IL12RB2: variants seen among roughly 807,000 people sequenced by gnomAD.
IL12RB2 encodes interleukin-12 receptor subunit beta-2.
A neutral mutation model predicts 89.4 loss-of-function variants in IL12RB2; 82 were observed. That is an observed-to-expected ratio of 0.92 (90% CI 0.77 to 1.10). IL12RB2 has a LOEUF of 1.10. Among genes scored for constraint, IL12RB2 ranks in the 50% least tolerant of loss-of-function variants. The pLI is 0.00. For missense variants in IL12RB2, 963 were observed against 1,031.9 expected (o/e 0.93, Z 0.92); for synonymous variants, 368 against 370.1 (o/e 0.99, Z 0.07).
At chr1:67,394,194 G>A (rs1666124670) in intron 16 of IL12RB2, among the ~76,000 whole-genome samples, 1 of 152,140 alleles carries the variant, frequency 6.6e-6, no homozygotes, top group Non-Finnish European at 1.5e-5. Flanking sequence ...AGACAGAGAG[G>A]TGGAGGAAGG....
intron 1 of IL12RB2, among the ~76,000 whole-genome samples, chr1:67,310,076 C>T (rs538724338): frequency 6.1e-5 from 9 of 148,728 alleles, no homozygotes; most frequent in African/African-American, 1.2e-4. Flanking sequence ...CCCAGCTACT[C>T]GGGAGGTTGA....
chr1:67,390,215 G>A (rs1665656482), intron 16 of IL12RB2, 87 bp downstream of exon 16: 1 of 780,930 alleles, frequency 1.3e-6, no homozygotes, highest in East Asian at 2.6e-5. Flanking sequence ...AGGAAGCCTG[G>A]GTGCTGAGAT....
chr1:67,311,546 T>C (rs1047487313), intron 1 of IL12RB2, among the ~76,000 whole-genome samples: 1 of 152,252 alleles, frequency 6.6e-6, no homozygotes, highest in African/African-American at 2.4e-5. Flanking sequence ...TATTAACAAC[T>C]AAATTATATG....
In IL12RB2 at chr1:67,307,967, G is replaced by A. The variant is rs987783703; in HGVS notation, c.-125G>A. The A allele has an allele frequency of 6.6e-6, 1 of 152,096 alleles. No individual in the cohort carries two copies. Among genetic ancestry groups the A allele is most frequent in the African/African-American group, 2.4e-5 (1 of 41,424 alleles). 9.4% of individuals were successfully genotyped at this position (152,096 alleles called of 1,614,324 possible). A position where few individuals can be genotyped will look rare whatever the true frequency, so the allele number is the denominator to read the frequency against. Reference sequence around the variant, plus strand: ...CCGCGCCCGCTGGCAGGCGACACGTGGTGAGTGACCAGTGACTCGGGGTCG... The same window carrying A: ...CCGCGCCCGCTGGCAGGCGACACGTAGTGAGTGACCAGTGACTCGGGGTCG... On this transcript the variant is annotated splice_region_variant and 5_prime_UTR_variant, in exon 1 of 17. Transcript: ENST00000674203.
chr1:67,350,464 A>C (rs1257820326), intron 9 of IL12RB2, among the ~76,000 whole-genome samples: 1 of 152,196 alleles, frequency 6.6e-6, no homozygotes, highest in Non-Finnish European at 1.5e-5. Flanking sequence ...GTGATTTACA[A>C]ATTTAGAAAT....
At chr1:67,391,459 T>A (rs1018365467) in intron 16 of IL12RB2, among the ~76,000 whole-genome samples, 10 of 147,802 alleles carry the variant, frequency 6.8e-5, no homozygotes, top group African/African-American at 2.5e-4. Flanking sequence ...ATTTTATATA[T>A]ATAATATACA....
At chr1:67,316,214 T>TGC (rs1464098184) in intron 2 of IL12RB2, among the ~76,000 whole-genome samples, 1 of 151,724 alleles carries the variant, frequency 6.6e-6, no homozygotes, top group Non-Finnish European at 1.5e-5. Flanking sequence ...TTATGGTACG[T>TGC]GCTAAGATAG....
chr1:67,363,509 C>G (rs1403863530), intron 10 of IL12RB2, among the ~76,000 whole-genome samples: 1 of 152,210 alleles, frequency 6.6e-6, no homozygotes, highest in Non-Finnish European at 1.5e-5. Context: ...AGCCACTGTG[C>G]CCGGCCAATT....
chr1:67,370,990 C>G (rs757375035), intron 11 of IL12RB2, among the ~76,000 whole-genome samples: 7 of 152,344 alleles, frequency 4.6e-5, no homozygotes, highest in African/African-American at 1.7e-4. Flanking sequence ...GTCTGCCTAA[C>G]GAGCTCATCT....
Position 67,360,260 on chromosome 1 carries a change from G to A in IL12RB2, c.1259-7565G>A, listed in dbSNP as rs886907447. ...CTACTAAAAATGCAAATTAGCCAGC[G>A]TGGTAGTGCGTGCCTGTGATCCCAG... On this transcript the variant is annotated intron_variant, in intron 10 of 16. Transcript: ENST00000674203. 7.2e-5 allele frequency among the ~76,000 whole-genome samples: 11 copies of A among 152,012 alleles called. No individual in the cohort carries two copies. In the East Asian group the frequency reaches 7.8e-4, roughly 11 times the overall value.
chr1:67,328,507 A>G (rs1657633549), intron 6 of IL12RB2, 123 bp downstream of exon 6: 7 of 1,535,174 alleles, frequency 4.6e-6, no homozygotes, highest in Non-Finnish European at 6.1e-6. Flanking sequence ...AGGCATAAGC[A>G]AAAGATAGAA....
At chr1:67,387,452 C>G (rs1280458438) in intron 15 of IL12RB2, among the ~76,000 whole-genome samples, 1 of 151,650 alleles carries the variant, frequency 6.6e-6, no homozygotes, top group African/African-American at 2.4e-5. Context: ...CCTGTAATCC[C>G]AGCACTTTGG....
chr1:67,347,702 C>A (rs1422034255), intron 9 of IL12RB2, among the ~76,000 whole-genome samples: 2 of 152,086 alleles, frequency 1.3e-5, no homozygotes, highest in African/African-American at 4.8e-5. Flanking sequence ...GACTGTGGTT[C>A]CTTTATAGCA....
At chr1:67,326,669 G>A in intron 4 of IL12RB2, 66 bp from the exon 5 acceptor site, 2 of 1,584,966 alleles carry the variant, frequency 1.3e-6, no homozygotes, top group Non-Finnish European at 1.7e-6. Context: ...GTTGATGGCA[G>A]ATAATAACAA....
At chr1:67,361,667 C>T (rs933300456) in intron 10 of IL12RB2, among the ~76,000 whole-genome samples, 4 of 151,818 alleles carry the variant, frequency 2.6e-5, no homozygotes, top group African/African-American at 9.7e-5. Flanking sequence ...TGTGGAACAA[C>T]TACAAAAGAT....
chr1:67,378,531 T>C (rs1664215627), intron 13 of IL12RB2, among the ~76,000 whole-genome samples: 1 of 152,058 alleles, frequency 6.6e-6, no homozygotes, highest in Admixed American at 6.6e-5. Flanking sequence ...AGCCTACAAA[T>C]GGAAAAGTGC....
rs142591070 is a variant in IL12RB2, at chr1:67,386,552, CA to C, written c.1856-26del. ...AAATGTTCATTGGTGATAACTCACTCAGTCACAGGATTTCCTAACTTTTCAG... is the reference window on the plus strand; with the variant it reads ...AAATGTTCATTGGTGATAACTCACTCGTCACAGGATTTCCTAACTTTTCAG... On this transcript the variant is annotated intron_variant, in intron 14 of 16. Coordinates refer to ENST00000674203, the MANE Select transcript of IL12RB2 (RefSeq NM_001374259.2). The C allele has an allele frequency of 1.1e-3, 1,650 of 1,487,896 alleles. 10 individuals are homozygous for C. The African/African-American group carries it at 0.021, about 19-fold the overall frequency. 92.2% of individuals were successfully genotyped at this position (1,487,896 alleles called of 1,614,324 possible).
intron 9 of IL12RB2, among the ~76,000 whole-genome samples, chr1:67,342,356 A>G (rs1659730354): frequency 6.6e-6 from 1 of 152,206 alleles, no homozygotes. Context: ...GCCTGTGAAT[A>G]AAGTGAGAGC....
chr1:67,321,503 G>A, intron 3 of IL12RB2, 99 bp from the exon 4 acceptor site: 3 of 792,890 alleles, frequency 3.8e-6, no homozygotes, highest in Non-Finnish European at 4.5e-6. Flanking sequence ...ATGATCTGAT[G>A]GAGTTAATTT....
Sources: allele counts gnomAD v4.1 joint callset (sites outside exome capture counted in the v4.1 genomes callset), GRCh38; gene constraint gnomAD v4.1.1; transcripts MANE v1.5; gene names NCBI Gene and HGNC (gene_info 2026-07-23, HGNC 2026-07-21).